Variants in TMEM108 observed in about 807,000 individuals in gnomAD.
TMEM108 encodes the protein cancer/testis antigen 124.
A neutral mutation model predicts 35.1 loss-of-function variants in TMEM108; 12 were observed. The ratio of observed to expected loss-of-function variants is 0.34; its 90% CI spans 0.22 to 0.55. TMEM108 has a LOEUF of 0.55. Ranked by LOEUF, TMEM108 falls within the 20% of genes least tolerant of loss-of-function variation. The pLI is 0.89. For synonymous variants in TMEM108, 287 were observed against 308.6 expected, an observed-to-expected ratio of 0.93 and a Z score of 0.73; for missense variants, 680 against 753.3, an observed-to-expected ratio of 0.90 and a Z score of 1.14.
chr3:133,341,192 C>T (rs1019055611), intron 3 of TMEM108, among the ~76,000 whole-genome samples: 6 of 151,712 alleles, frequency 4.0e-5, no homozygotes, highest in African/African-American at 1.4e-4. Context: ...ACTATTAGAA[C>T]TGATAAATTC....
chr3:133,164,307 A>G (rs1164486237), intron 2 of TMEM108, among the ~76,000 whole-genome samples: 1 of 152,222 alleles, frequency 6.6e-6, no homozygotes. Context: ...GACTAAGGAT[A>G]GTTCTTCAGG....
intron 2 of TMEM108, among the ~76,000 whole-genome samples, chr3:133,172,276 C>G (rs1413758811): frequency 6.6e-6 from 1 of 152,098 alleles, no homozygotes; most frequent in Non-Finnish European, 1.5e-5. Context: ...TTAAACATTA[C>G]CTTTTCCTGC....
chr3:133,331,323 C>T (rs989650255), intron 3 of TMEM108, among the ~76,000 whole-genome samples: 1 of 152,094 alleles, frequency 6.6e-6, no homozygotes, highest in Non-Finnish European at 1.5e-5. Flanking sequence ...ATGCTGGTTA[C>T]ACAGGAGGGA....
chr3:133,145,507 C>T (rs1944705818), intron 2 of TMEM108, among the ~76,000 whole-genome samples: 1 of 152,082 alleles, frequency 6.6e-6, no homozygotes, highest in Non-Finnish European at 1.5e-5. Context: ...TGAAGAAAGT[C>T]AATGGAAGCT....
At position 133,304,612 on chromosome 3, in the gene TMEM108, G is replaced by A. The variant is rs72978158; in HGVS notation, c.41-75140G>A. Among the ~76,000 whole-genome samples the A allele has an allele frequency of 7.7e-3, 1,172 of 152,114 alleles. 22 individuals carry two copies. The highest frequency in any genetic ancestry group is 0.027 in the African/African-American group (1,109 of 41,428). On this transcript the variant is annotated intron_variant, in intron 3 of 5. Coordinates refer to ENST00000321871, the MANE Select transcript of TMEM108 (RefSeq NM_023943.4). ...AATTATACATTCTGTATAGTCTCTT[G>A]CATCTGGCTTTTTTACTATGCATAA...
chr3:133,355,618 C>A (rs1461483981), intron 3 of TMEM108, among the ~76,000 whole-genome samples: 1 of 152,190 alleles, frequency 6.6e-6, no homozygotes, highest in Non-Finnish European at 1.5e-5. Context: ...TGAGAATGGT[C>A]TCCATTCCAT....
chr3:133,193,707 T>A (rs1017159512), intron 2 of TMEM108, among the ~76,000 whole-genome samples: 5 of 152,170 alleles, frequency 3.3e-5, no homozygotes, highest in South Asian at 4.1e-4. Context: ...AGTACCCAGA[T>A]AAATGACAGG....
rs117955530 is a variant in TMEM108 at position 133,047,855 on chromosome 3, A to T, written c.-47+1835A>T. Among the ~76,000 whole-genome samples the T allele has an allele frequency of 1.3e-3, 204 of 152,154 alleles. 4 individuals carry two copies. The East Asian group carries it at 0.03, about 23-fold the overall frequency. Reference sequence around the variant, plus strand: ...GAAGTAATGTACATAGTACTGTGTGACTCCTTGGGGGCTCTGTCATTTCTA... The same window carrying T: ...GAAGTAATGTACATAGTACTGTGTGTCTCCTTGGGGGCTCTGTCATTTCTA... On this transcript the variant is annotated intron_variant, in intron 2 of 5. Transcript: ENST00000321871.
chr3:133,309,167 C>A (rs1313603137), intron 3 of TMEM108, among the ~76,000 whole-genome samples: 2 of 152,120 alleles, frequency 1.3e-5, no homozygotes, highest in Non-Finnish European at 2.9e-5. Flanking sequence ...TTATAGTATT[C>A]TCTGATGGTA....
intron 1 of TMEM108, among the ~76,000 whole-genome samples, chr3:133,040,286 C>G (rs561559659): frequency 3.2e-4 from 49 of 150,886 alleles, no homozygotes; most frequent in African/African-American, 1.1e-3. Flanking sequence ...TCACTGTAAC[C>G]TCCGTCTCCT....
intron 2 of TMEM108, among the ~76,000 whole-genome samples, chr3:133,112,747 A>G (rs969866863): frequency 6.6e-6 from 1 of 152,170 alleles, no homozygotes; most frequent in African/African-American, 2.4e-5. Context: ...AATTGAGAGT[A>G]AGTTAATTTG....
intron 3 of TMEM108, among the ~76,000 whole-genome samples, chr3:133,297,140 G>A (rs776700214): frequency 2.6e-5 from 4 of 152,164 alleles, no homozygotes; most frequent in Non-Finnish European, 5.9e-5. Context: ...TATAGCTCAC[G>A]CAAATTTAAT....
chr3:133,075,260 T>G (rs2107692620), intron 2 of TMEM108, among the ~76,000 whole-genome samples: 1 of 152,294 alleles, frequency 6.6e-6, no homozygotes, highest in South Asian at 2.1e-4. Context: ...AATTGCTGGG[T>G]CATACTTAAT....
rs531604229 is a variant in TMEM108 at position 133,045,826 on chromosome 3, C to G, written c.-165-76C>G. On this transcript the variant is annotated intron_variant, in intron 1 of 5. Coordinates refer to ENST00000321871, the MANE Select transcript of TMEM108 (RefSeq NM_023943.4). ...TTTGGGTAAGCACTTAGTCTACTCT[C>G]ATATTCACTTCAGCAGTGACTTGGG... 3.9e-5 allele frequency: 6 copies of G among 152,752 alleles called. No individual in the cohort carries two copies. In the South Asian group the frequency reaches 1.0e-3, roughly 26 times the overall value. The allele number at this position is 152,752 out of a possible 1,614,324, so 9.5% of individuals were successfully genotyped here.
At chr3:133,256,510 A>G (rs1946548253) in intron 3 of TMEM108, among the ~76,000 whole-genome samples, 1 of 152,230 alleles carries the variant, frequency 6.6e-6, no homozygotes, top group African/African-American at 2.4e-5. Flanking sequence ...AATATACTAG[A>G]CAATAATAGC....
At chr3:133,045,373 G>A (rs888688118) in intron 1 of TMEM108, among the ~76,000 whole-genome samples, 3 of 152,204 alleles carry the variant, frequency 2.0e-5, no homozygotes, top group Non-Finnish European at 4.4e-5. Context: ...CTGTGCTAGT[G>A]TCTCACTCAG....
chr3:133,291,442 A>T (rs1947067077), intron 3 of TMEM108, among the ~76,000 whole-genome samples: 1 of 151,984 alleles, frequency 6.6e-6, no homozygotes, highest in Non-Finnish European at 1.5e-5. Context: ...CACCACACCC[A>T]GCTAATTTTA....
chr3:133,355,104 GCA>G (rs1302348675), intron 3 of TMEM108, among the ~76,000 whole-genome samples: 9 of 152,190 alleles, frequency 5.9e-5, no homozygotes, highest in African/African-American at 1.9e-4. Context: ...GACTTCCAGT[GCA>G]CAGATATTCA....
intron 3 of TMEM108, among the ~76,000 whole-genome samples, chr3:133,233,435 G>A (rs372475030): frequency 5.5e-4 from 84 of 152,160 alleles, no homozygotes; most frequent in East Asian, 3.3e-3. Flanking sequence ...AATCCAGTCT[G>A]TCATTGTTGG....
Sources: gnomAD v4.1 joint callset for allele counts (sites outside exome capture counted in the v4.1 genomes callset) on GRCh38, gnomAD v4.1.1 for gene constraint, MANE v1.5 for transcripts, NCBI Gene and HGNC (gene_info 2026-07-23, HGNC 2026-07-21) for gene names.